Variants in PDE4D observed in about 807,000 individuals in gnomAD.
PDE4D encodes the protein 3',5'-cyclic-AMP phosphodiesterase 4D.
Under a neutral mutation model 87.4 loss-of-function variants are expected in PDE4D, and 24 were observed. That is an observed-to-expected ratio of 0.27 (90% CI 0.20 to 0.39). The LOEUF (loss-of-function observed/expected upper bound fraction) is 0.39. Ranked by LOEUF, PDE4D falls within the 10% of genes least tolerant of loss-of-function variation. The probability of loss-of-function intolerance (pLI) is 1.00; values close to 1 mark genes in which losing one functional copy is unlikely to be tolerated. For synonymous variants in PDE4D, 384 were observed against 383.2 expected (o/e 1.00, Z -0.02); for missense variants, 714 against 1,041.0 (o/e 0.69, Z 4.32).
intron 1 of PDE4D, among the ~76,000 whole-genome samples, chr5:60,337,230 G>A (rs1326405335): frequency 6.6e-6 from 1 of 150,540 alleles, no homozygotes; most frequent in African/African-American, 2.4e-5. Context: ...CTACTTGGGA[G>A]GCTGAGGCAG....
chr5:60,501,677 T>G (rs1750084855), intron 1 of PDE4D, among the ~76,000 whole-genome samples: 2 of 151,698 alleles, frequency 1.3e-5, no homozygotes, highest in African/African-American at 4.8e-5. Flanking sequence ...TTCCTGACTT[T>G]TTAATGATCG....
In PDE4D at chr5:60,386,321, C is replaced by A. The variant is rs186853040; in HGVS notation, c.-90+101621G>T. ...TGTGCCTCTTTATTAGCAGTGATTTCCTTAAAGGGAATCAAATGCTTAAGA... is the reference window on the plus strand; with the variant it reads ...TGTGCCTCTTTATTAGCAGTGATTTACTTAAAGGGAATCAAATGCTTAAGA... On this transcript the variant is annotated intron_variant, in intron 1 of 16. Transcript: ENST00000502484. Among the ~76,000 whole-genome samples the A allele has an allele frequency of 2.0e-5, 3 of 152,174 alleles. No individual in the cohort carries two copies. In the East Asian group the frequency reaches 5.8e-4, roughly 29 times the overall value.
chr5:59,589,910 A>G (rs987300597), intron 1 of PDE4D, among the ~76,000 whole-genome samples: 2 of 152,232 alleles, frequency 1.3e-5, no homozygotes, highest in African/African-American at 4.8e-5. Flanking sequence ...TGTCTAGAAT[A>G]AAGTCTAACA....
chr5:59,506,871 ACTGT>A (rs766342307), intron 1 of PDE4D, among the ~76,000 whole-genome samples: 14 of 152,258 alleles, frequency 9.2e-5, no homozygotes, highest in African/African-American at 1.4e-4. Context: ...ACTTGAGAAA[ACTGT>A]CTGTCAGTCT....
intron 5 of PDE4D, among the ~76,000 whole-genome samples, chr5:59,161,812 G>C (rs1461685000): frequency 6.6e-6 from 1 of 152,124 alleles, no homozygotes; most frequent in African/African-American, 2.4e-5. Context: ...TCTATATCTT[G>C]CTTTGCATCT....
intron 1 of PDE4D, among the ~76,000 whole-genome samples, chr5:60,292,817 C>A (rs897917235): frequency 6.6e-6 from 1 of 152,060 alleles, no homozygotes; most frequent in Non-Finnish European, 1.5e-5. Context: ...CCAGTAAAAA[C>A]AAAAACTTCA....
chr5:60,257,974 G>A (rs1023192520), intron 1 of PDE4D, among the ~76,000 whole-genome samples: 7 of 151,916 alleles, frequency 4.6e-5, no homozygotes, highest in African/African-American at 1.4e-4. Flanking sequence ...CAGCCCCAAC[G>A]TACCAGCAAT....
At chr5:59,566,524 TCA>T (rs796268172) in intron 1 of PDE4D, among the ~76,000 whole-genome samples, 16 of 148,058 alleles carry the variant, frequency 1.1e-4, no homozygotes, top group African/African-American at 3.2e-4. Context: ...TCTGATCCAG[TCA>T]CAGTTTCATG....
chr5:60,497,975 A>C (rs1296132478), intron 1 of PDE4D, among the ~76,000 whole-genome samples: 1 of 152,146 alleles, frequency 6.6e-6, no homozygotes, highest in African/African-American at 2.4e-5. Context: ...GAAATCCATA[A>C]ATTTCTCCTT....
rs552108950 is a variant in PDE4D, at chr5:60,406,508, T to A, written c.-90+81434A>T. Among the ~76,000 whole-genome samples the A allele has an allele frequency of 6.6e-5, 10 of 152,254 alleles. 1 individual carries two copies. The East Asian group carries it at 1.9e-3, about 29-fold the overall frequency. On this transcript the variant is annotated intron_variant, in intron 1 of 16. Transcript: ENST00000502484. ...TAATACTGTCTACTCTGATGGCAAA[T>A]TGATATATAGTCCTCAGCAAATTCC...
chr5:59,973,825 AC>A (rs1761034522), intron 3 of PDE4D, among the ~76,000 whole-genome samples: 1 of 152,186 alleles, frequency 6.6e-6, no homozygotes, highest in African/African-American at 2.4e-5. Context: ...ACTGTTTCAA[AC>A]AGTGTAAATT....
At chr5:59,435,105 T>C (rs1412553865) in intron 1 of PDE4D, among the ~76,000 whole-genome samples, 1 of 152,122 alleles carries the variant, frequency 6.6e-6, no homozygotes, top group African/African-American at 2.4e-5. Context: ...CTCTACACAT[T>C]CTTTAATCTC....
At chr5:59,601,492 C>T (rs1554039773) in intron 1 of PDE4D, among the ~76,000 whole-genome samples, 1 of 151,840 alleles carries the variant, frequency 6.6e-6, no homozygotes, top group Non-Finnish European at 1.5e-5. Context: ...TGTTCTGTAG[C>T]CCATGTCATT....
At chr5:59,629,977 A>T (rs1028741373) in intron 1 of PDE4D, among the ~76,000 whole-genome samples, 2 of 152,222 alleles carry the variant, frequency 1.3e-5, no homozygotes, top group Non-Finnish European at 2.9e-5. Flanking sequence ...ACAATGAAAC[A>T]ATTAATTTTA....
chr5:60,337,388 T>TACACAC (rs370108536), intron 1 of PDE4D, among the ~76,000 whole-genome samples: 956 of 89,248 alleles, frequency 0.011, 47 homozygotes, highest in East Asian at 0.086. Context: ...TATATATATA[T>TACACAC]ACACACACAC....
chr5:59,085,497 C>A (rs1005469817), intron 5 of PDE4D, among the ~76,000 whole-genome samples: 6 of 152,164 alleles, frequency 3.9e-5, no homozygotes, highest in South Asian at 2.1e-4. Flanking sequence ...TTACTAATTT[C>A]AAAAAGTATG....
intron 1 of PDE4D, among the ~76,000 whole-genome samples, chr5:59,228,296 C>T (rs1312152302): frequency 2.0e-5 from 3 of 151,944 alleles, no homozygotes; most frequent in Non-Finnish European, 2.9e-5. Flanking sequence ...AAAAAAAATA[C>T]TAACTGTCAG....
At chr5:59,586,606 A>ATG in intron 1 of PDE4D, 1 of 1,300,240 alleles carries the variant, frequency 7.7e-7, no homozygotes, top group African/African-American at 1.5e-5. Context: ...CACTGCAGGT[A>ATG]TGGGTCCATC....
intron 1 of PDE4D, among the ~76,000 whole-genome samples, chr5:60,346,762 C>G (rs1758781671): frequency 6.6e-6 from 1 of 152,122 alleles, no homozygotes; most frequent in African/African-American, 2.4e-5. Context: ...CCTATTTGCT[C>G]TTACATTTCA....
Sources: allele counts gnomAD v4.1 joint callset (sites outside exome capture counted in the v4.1 genomes callset), GRCh38; gene constraint gnomAD v4.1.1; transcripts MANE v1.5; gene names NCBI Gene and HGNC (gene_info 2026-07-23, HGNC 2026-07-21).